The following RNF17 variants were observed in gnomAD, a reference collection of about 807,000 sequenced individuals.
RNF17 encodes the protein ring finger protein 17, also known as spermatogenesis associated 23.
RNF17 carries 31 observed loss-of-function variants against 200.5 expected under a neutral mutation model. The observed-to-expected ratio is 0.15, with a 90% CI of 0.12 to 0.21. The LOEUF (loss-of-function observed/expected upper bound fraction) is 0.21, where lower values mean the gene tolerates loss of function less well. Ranked by LOEUF, RNF17 falls within the 10% of genes least tolerant of loss-of-function variation. The probability of loss-of-function intolerance (pLI) is 1.00; values close to 1 mark genes in which losing one functional copy is unlikely to be tolerated. For missense variants in RNF17, 1,628 were observed against 1,905.1 expected (o/e 0.85, Z 2.71); for synonymous variants, 606 against 637.8 (o/e 0.95, Z 0.75).
At chr13:24,873,016 A>G (rs1272808124) in intron 32 of RNF17, among the ~76,000 whole-genome samples, 2 of 152,232 alleles carry the variant, frequency 1.3e-5, no homozygotes, top group African/African-American at 2.4e-5. Flanking sequence ...ACTTGATATT[A>G]CAGGCAGTTA....
intron 15 of RNF17, among the ~76,000 whole-genome samples, chr13:24,808,250 T>G (rs1295191933): frequency 6.6e-6 from 1 of 152,104 alleles, no homozygotes; most frequent in Non-Finnish European, 1.5e-5. Context: ...GTGGCCATTT[T>G]CAGGATATTG....
intron 32 of RNF17, among the ~76,000 whole-genome samples, chr13:24,871,866 C>T (rs184671866): frequency 1.4e-4 from 21 of 151,660 alleles, no homozygotes; most frequent in Admixed American, 4.6e-4. Context: ...TTCCTGACCT[C>T]GTGATCCACC....
intron 10 of RNF17, among the ~76,000 whole-genome samples, chr13:24,795,749 C>T (rs1884486818): frequency 6.6e-6 from 1 of 152,036 alleles, no homozygotes; most frequent in Non-Finnish European, 1.5e-5. Flanking sequence ...GTAGGTTATC[C>T]TAGAAACCTA....
At chr13:24,880,950 T>C (rs1486800986), downstream of RNF17, among the ~76,000 whole-genome samples, 1 of 152,210 alleles carries the variant, frequency 6.6e-6, no homozygotes, top group Non-Finnish European at 1.5e-5. Context: ...GTTTATTAGC[T>C]AGTGACCATT....
chr13:24,877,271 C>T (rs1419413467), intron 34 of RNF17, 85 bp downstream of exon 34: 2 of 1,087,372 alleles, frequency 1.8e-6, no homozygotes, highest in Middle Eastern at 2.7e-4. Context: ...GCAGCGTCTA[C>T]ATGCGAGAGT....
intron 18 of RNF17, among the ~76,000 whole-genome samples, chr13:24,835,625 A>G (rs1390320674): frequency 6.6e-6 from 1 of 152,238 alleles, no homozygotes; most frequent in Admixed American, 6.5e-5. Context: ...AAAGGGGAAG[A>G]GTACTGCATC....
At chr13:24,771,897 G>A (rs113006156) in intron 2 of RNF17, among the ~76,000 whole-genome samples, 1,856 of 152,072 alleles carry the variant, frequency 0.012, 53 homozygotes, top group African/African-American at 0.042. Flanking sequence ...CCAGATACTC[G>A]GGAGGCTGAG....
chr13:24,774,773 T>C (rs958963681), intron 2 of RNF17, 40 bp from the exon 3 acceptor site: 1 of 1,306,954 alleles, frequency 7.7e-7, no homozygotes, highest in Non-Finnish European at 1.1e-6. Context: ...GCATAATTTA[T>C]TGGGTGACTT....
rs185567465 is a variant in RNF17 at position 24,807,582 on chromosome 13, C to T, written c.2091+3153C>T. Among the ~76,000 whole-genome samples the T allele has an allele frequency of 1.5e-3, 224 of 152,104 alleles. 1 individual carries two copies. The highest frequency in any genetic ancestry group is 5.2e-3 in the African/African-American group (217 of 41,474). On this transcript the variant is annotated intron_variant, in intron 15 of 35. Coordinates refer to ENST00000255324, the MANE Select transcript of RNF17 (RefSeq NM_031277.3). Reference sequence around the variant, plus strand: ...ATGAGTAGGTTGCGAAAATTTTCTCCCATTTTGTAGGTTGTCTGTTCATTC... The same window carrying T: ...ATGAGTAGGTTGCGAAAATTTTCTCTCATTTTGTAGGTTGTCTGTTCATTC...
intron 28 of RNF17, among the ~76,000 whole-genome samples, chr13:24,863,404 G>A (rs1163645258): frequency 2.0e-5 from 3 of 152,168 alleles, no homozygotes; most frequent in Non-Finnish European, 4.4e-5. Flanking sequence ...TTGAACAGTG[G>A]AGGTTTGGTG....
At position 24,853,921 on chromosome 13, in the gene RNF17, A is replaced by G. The variant is rs756823116; in HGVS notation, c.3387A>G (p.Glu1129=). 9.3e-6 allele frequency: 15 copies of G among 1,613,886 alleles called. No homozygotes were observed. Among genetic ancestry groups the G allele is most frequent in the Non-Finnish European group, 1.2e-5 (14 of 1,179,810 alleles). ...CTCTGGAAGTCCCCCTGGAACAGGA[A>G]GATTCAGTAGTTACTAACTGTATTA... The part of the protein sequence containing the change: ...EKSLEVPLEQ[E]DSVVTNCIKT... The change falls in exon 25 of 36, where the codon GAA becomes GAG. Residue 1129 remains glutamate, a synonymous_variant. Coordinates refer to ENST00000255324, the MANE Select transcript of RNF17 (RefSeq NM_031277.3).
At chr13:24,793,507 A>G (rs1266209498) in intron 10 of RNF17, among the ~76,000 whole-genome samples, 161 bp downstream of exon 10, 3 of 152,134 alleles carry the variant, frequency 2.0e-5, no homozygotes, top group Non-Finnish European at 2.9e-5. Context: ...CTACTCTCAC[A>G]TTTTCCAGAG....
At chr13:24,839,745 A>AATTAAT (rs1200191385) in intron 18 of RNF17, among the ~76,000 whole-genome samples, 1 of 152,234 alleles carries the variant, frequency 6.6e-6, no homozygotes. Flanking sequence ...GACTGATTAA[A>AATTAAT]GACTGAAATC....
chr13:24,877,325 T>C (rs1566266306), intron 34 of RNF17, 139 bp downstream of exon 34: 2 of 612,928 alleles, frequency 3.3e-6, no homozygotes, highest in Non-Finnish European at 5.4e-6. Context: ...TTTATATGTA[T>C]AGCTTTATAT....
In RNF17 at chr13:24,768,887, A is replaced by T. The variant is rs1002551145; in HGVS notation, c.225+1521A>T. Among the ~76,000 whole-genome samples, 7 of 151,986 alleles carry T rather than the reference A, an allele frequency of 4.6e-5. 1 individual carries two copies. Among genetic ancestry groups the T allele is most frequent in the Admixed American group, 3.3e-4 (5 of 15,252 alleles). ...ACTGCCTTGCAAGTTAAATATGGTT[A>T]AAAAAAACCCAAACCATATATTGTA... On this transcript the variant is annotated intron_variant, in intron 2 of 35. Coordinates refer to ENST00000255324, the MANE Select transcript of RNF17 (RefSeq NM_031277.3).
chr13:24,838,390 T>C (rs1381043462), intron 18 of RNF17, among the ~76,000 whole-genome samples: 1 of 152,032 alleles, frequency 6.6e-6, no homozygotes, highest in Non-Finnish European at 1.5e-5. Context: ...AAAAGAAAAC[T>C]ATAGACTGAT....
chr13:24,764,144 G>A (rs1000223878), upstream of RNF17: 13 of 1,493,830 alleles, frequency 8.7e-6, no homozygotes, highest in South Asian at 2.6e-5. Context: ...ATGATTGGTC[G>A]CTGCCGCGAG....
rs149803278 is a variant in RNF17 at position 24,868,679 on chromosome 13, A to G, written c.4241A>G (p.Tyr1414Cys). 33 of 1,600,924 alleles carry G rather than the reference A, an allele frequency of 2.1e-5. No homozygotes were observed. Among genetic ancestry groups the G allele is most frequent in the African/African-American group, 1.9e-4 (14 of 74,772 alleles). The part of the protein sequence containing the change: ...SSSLPSPGEL[Y>C]AVQVKHVVSP... The stretch of plus-strand genomic sequence containing the variant: ...TCTCTGCCTTCCCCAGGAGAACTCT[A>G]TGCTGTTCAAGTTAAGCACGTTGTC... Residue 1414 changes from tyrosine (Y) to cysteine (C), a missense_variant, in exon 31 of 36, where the codon TAT becomes TGT. Tyr to Cys is a radical substitution (Grantham distance 194). Coordinates refer to ENST00000255324, the MANE Select transcript of RNF17 (RefSeq NM_031277.3).
chr13:24,755,007 G>A, the RNF17 span, among the ~76,000 whole-genome samples: 3 of 151,478 alleles, frequency 2.0e-5, no homozygotes, highest in Non-Finnish European at 4.4e-5. Flanking sequence ...ATATAATTTA[G>A]TAGTATGCTG....
Sources: gnomAD v4.1 joint callset for allele counts (sites outside exome capture counted in the v4.1 genomes callset) on GRCh38, gnomAD v4.1.1 for gene constraint, MANE v1.5 for transcripts, NCBI Gene and HGNC (gene_info 2026-07-23, HGNC 2026-07-21) for gene names.